MDGA2: variants seen among roughly 807,000 people sequenced by gnomAD.
The protein encoded by MDGA2 is MAM domain containing glycosylphosphatidylinositol anchor 2.
In MDGA2, 40 loss-of-function variants were observed where a neutral mutation model predicts 117.8. The ratio of observed to expected loss-of-function variants is 0.34; its 90% confidence interval spans 0.26 to 0.44. The LOEUF is 0.44. Among genes scored for constraint, MDGA2 ranks in the 20% least tolerant of loss-of-function variants. The pLI is 1.00. For missense variants in MDGA2, 1,123 were observed against 1,250.6 expected, an observed-to-expected ratio of 0.90 and a Z score of 1.54; for synonymous variants, 452 against 439.0, an observed-to-expected ratio of 1.03 and a Z score of -0.37.
intron 1 of MDGA2, among the ~76,000 whole-genome samples, chr14:47,634,054 T>C (rs1320056536): frequency 6.6e-6 from 1 of 152,078 alleles, no homozygotes; most frequent in African/African-American, 2.4e-5. Context: ...AAAGTACATA[T>C]CTTTTGGGAG....
intron 2 of MDGA2, among the ~76,000 whole-genome samples, chr14:47,235,624 G>C (rs1886833338): frequency 6.6e-6 from 1 of 152,184 alleles, no homozygotes; most frequent in Admixed American, 6.5e-5. Flanking sequence ...AGAAGAAAAG[G>C]GGATGGACAA....
intron 1 of MDGA2, among the ~76,000 whole-genome samples, chr14:47,391,313 A>G (rs1314124474): frequency 6.6e-6 from 1 of 152,202 alleles, no homozygotes; most frequent in Non-Finnish European, 1.5e-5. Flanking sequence ...ATTTCTGCTC[A>G]TGTGACAGCG....
chr14:46,996,527 T>A (rs1044359799), intron 8 of MDGA2: 3 of 152,346 alleles, frequency 2.0e-5, no homozygotes, highest in African/African-American at 7.2e-5. Context: ...CAGAACATTG[T>A]ACTCTGTACC....
intron 3 of MDGA2, among the ~76,000 whole-genome samples, chr14:47,146,825 T>C (rs548877654): frequency 1.5e-3 from 231 of 152,278 alleles, no homozygotes; most frequent in African/African-American, 5.4e-3. Flanking sequence ...CATTTCTTGA[T>C]GTATCCCCAG....
chr14:47,276,302 T>C (rs1888310273), intron 2 of MDGA2, among the ~76,000 whole-genome samples: 1 of 152,146 alleles, frequency 6.6e-6, no homozygotes, highest in African/African-American at 2.4e-5. Context: ...AAATGATAAA[T>C]TGATTAAAAA....
At chr14:47,125,604 T>A (rs943276111) in intron 5 of MDGA2, among the ~76,000 whole-genome samples, 1 of 151,586 alleles carries the variant, frequency 6.6e-6, no homozygotes, top group Non-Finnish European at 1.5e-5. Flanking sequence ...GGAAAAAAAA[T>A]TGAAGAATAA....
intron 8 of MDGA2, 138 bp from the exon 9 acceptor site, chr14:46,957,781 T>A: frequency 1.0e-6 from 1 of 956,100 alleles, no homozygotes; most frequent in Non-Finnish European, 1.5e-6. Flanking sequence ...AGAACATATT[T>A]AAGCCCAGAA....
Position 47,119,525 on chromosome 14 carries a change from C to G in MDGA2, c.925+12189G>C, listed in dbSNP as rs576957987. Among the ~76,000 whole-genome samples the G allele has an allele frequency of 3.9e-5, 6 of 152,244 alleles. No individual in the cohort carries two copies. The East Asian group carries it at 1.2e-3, about 29-fold the overall frequency. ...TAAAATGTAATATAATGTCTTTGTA[C>G]AGTTCACAGTATCATAATTTTATGT... On this transcript the variant is annotated intron_variant, in intron 5 of 16. Coordinates refer to ENST00000399232, the MANE Select transcript of MDGA2 (RefSeq NM_001113498.3).
At chr14:47,219,540 T>A (rs1364401159) in intron 2 of MDGA2, among the ~76,000 whole-genome samples, 1 of 151,996 alleles carries the variant, frequency 6.6e-6, no homozygotes, top group African/African-American at 2.4e-5. Flanking sequence ...GTAAATTATG[T>A]CAAAAATGGA....
chr14:47,259,386 T>C (rs1357440264), intron 2 of MDGA2, among the ~76,000 whole-genome samples: 2 of 152,076 alleles, frequency 1.3e-5, no homozygotes, highest in Non-Finnish European at 2.9e-5. Flanking sequence ...CAAATAAAAA[T>C]AACCAATCCT....
At position 47,643,792 on chromosome 14, in the gene MDGA2, C is replaced by A. The variant is rs1265986618; in HGVS notation, c.280+30725G>T. On this transcript the variant is annotated intron_variant, in intron 1 of 16. Coordinates refer to ENST00000399232, the MANE Select transcript of MDGA2 (RefSeq NM_001113498.3). ...AGATAAATTTAGGAACAACCAAGGC[C>A]AGGATTTTTAAATGGCATAGATTCT... Among the ~76,000 whole-genome samples the A allele has an allele frequency of 2.0e-5, 3 of 152,018 alleles. 1 individual carries two copies. The highest frequency in any genetic ancestry group is 2.9e-5 in the Non-Finnish European group (2 of 67,946).
chr14:47,563,944 A>G (rs1357735502), intron 1 of MDGA2, among the ~76,000 whole-genome samples: 1 of 152,086 alleles, frequency 6.6e-6, no homozygotes, highest in Admixed American at 6.5e-5. Context: ...TTGCAAGACA[A>G]TTCTAGTGGT....
chr14:47,668,205 G>C lies in MDGA2; in HGVS notation c.280+6312C>G, dbSNP rs571777666. ...AGATTAGAAATGGCATAGTGTCTTGGAAAAGTAGCAAGAAACTGATATAGA... is the reference window on the plus strand; with the variant it reads ...AGATTAGAAATGGCATAGTGTCTTGCAAAAGTAGCAAGAAACTGATATAGA... On this transcript the variant is annotated intron_variant, in intron 1 of 16. Coordinates refer to ENST00000399232, the MANE Select transcript of MDGA2 (RefSeq NM_001113498.3). Among the ~76,000 whole-genome samples, 4 of 152,244 alleles carry C rather than the reference G, an allele frequency of 2.6e-5. No homozygotes were observed. In the South Asian group the frequency reaches 6.2e-4, roughly 24 times the overall value.
chr14:47,169,663 T>C (rs1884038616), intron 3 of MDGA2, among the ~76,000 whole-genome samples: 1 of 152,024 alleles, frequency 6.6e-6, no homozygotes, highest in Non-Finnish European at 1.5e-5. Flanking sequence ...AGCCTAGCAT[T>C]AGCTTAAAAA....
chr14:47,559,529 T>G (rs113018988), intron 1 of MDGA2, among the ~76,000 whole-genome samples: 169 of 152,218 alleles, frequency 1.1e-3, no homozygotes, highest in African/African-American at 3.8e-3. Flanking sequence ...TTTGCTACTG[T>G]GAATGGTGCT....
chr14:47,072,664 G>C (rs1458415231), intron 6 of MDGA2, among the ~76,000 whole-genome samples: 3 of 152,044 alleles, frequency 2.0e-5, no homozygotes, highest in Non-Finnish European at 4.4e-5. Flanking sequence ...CCAATCCTCA[G>C]GTTTTGGTAT....
intron 14 of MDGA2, among the ~76,000 whole-genome samples, chr14:46,862,300 G>T (rs73250872): frequency 3.3e-5 from 5 of 151,558 alleles, no homozygotes; most frequent in African/African-American, 1.2e-4. Context: ...AAGACTACAG[G>T]CAAAAAGGCT....
chr14:47,537,813 A>G (rs2138747593), intron 1 of MDGA2, among the ~76,000 whole-genome samples: 1 of 152,188 alleles, frequency 6.6e-6, no homozygotes, highest in East Asian at 1.9e-4. Flanking sequence ...ACTGCATTTC[A>G]AAAGAACAAG....
At chr14:47,134,223 T>G (rs1431373115) in intron 4 of MDGA2, among the ~76,000 whole-genome samples, 1 of 152,064 alleles carries the variant, frequency 6.6e-6, no homozygotes, top group Non-Finnish European at 1.5e-5. Flanking sequence ...CTCAGCATTA[T>G]ATTCTGGGCA....
Sources: allele counts gnomAD v4.1 joint callset (sites outside exome capture counted in the v4.1 genomes callset), GRCh38; gene constraint gnomAD v4.1.1; transcripts MANE v1.5; gene names NCBI Gene and HGNC (gene_info 2026-07-23, HGNC 2026-07-21).